PPP2R2B: variants seen among roughly 807,000 people sequenced by gnomAD.
PPP2R2B encodes the protein serine/threonine-protein phosphatase 2A 55 kDa regulatory subunit B beta isoform.
PPP2R2B carries 5 observed loss-of-function variants against 46.0 expected under a neutral mutation model. That is an observed-to-expected ratio of 0.11 (90% CI 0.06 to 0.23). The LOEUF (loss-of-function observed/expected upper bound fraction) is 0.23. Among genes scored for constraint, PPP2R2B ranks in the 10% least tolerant of loss-of-function variants. PPP2R2B has a pLI of 1.00. For synonymous variants in PPP2R2B, 215 were observed against 206.7 expected, an observed-to-expected ratio of 1.04 and a Z score of -0.34; for missense variants, 367 against 575.0, an observed-to-expected ratio of 0.64 and a Z score of 3.70.
chr5:146,704,754 G>T (rs2151171993), intron 2 of PPP2R2B, among the ~76,000 whole-genome samples: 1 of 152,116 alleles, frequency 6.6e-6, no homozygotes, highest in East Asian at 1.9e-4. Context: ...ATCAATCTCA[G>T]CATCCTACAA....
chr5:146,607,559 T>C (rs893908829), intron 7 of PPP2R2B: 2 of 152,258 alleles, frequency 1.3e-5, no homozygotes, highest in Admixed American at 6.5e-5. Flanking sequence ...GAAGAAATTA[T>C]ATTGGTCCCT....
At chr5:146,783,943 T>A (rs943368576) in intron 2 of PPP2R2B, among the ~76,000 whole-genome samples, 10 of 152,330 alleles carry the variant, frequency 6.6e-5, no homozygotes, top group Admixed American at 3.9e-4. Flanking sequence ...TATGTATATA[T>A]CTTTGTGTGT....
chr5:147,022,719 A>G (rs1430039446), intron 1 of PPP2R2B, among the ~76,000 whole-genome samples: 1 of 152,276 alleles, frequency 6.6e-6, no homozygotes, highest in East Asian at 1.9e-4. Flanking sequence ...TAGGGGAAAA[A>G]AGTCCATTAC....
At chr5:146,755,990 T>C (rs952401244) in intron 2 of PPP2R2B, among the ~76,000 whole-genome samples, 3 of 152,192 alleles carry the variant, frequency 2.0e-5, no homozygotes, top group Non-Finnish European at 4.4e-5. Flanking sequence ...CATGTATCAT[T>C]TAAAAGCAGC....
At chr5:146,695,309 A>G (rs1779114101) in intron 4 of PPP2R2B, among the ~76,000 whole-genome samples, 1 of 152,048 alleles carries the variant, frequency 6.6e-6, no homozygotes, top group Admixed American at 6.5e-5. Flanking sequence ...ATGAACATGT[A>G]CTAATTTCAT....
At chr5:146,886,265 G>A (rs2151425516) in intron 1 of PPP2R2B, among the ~76,000 whole-genome samples, 1 of 152,184 alleles carries the variant, frequency 6.6e-6, no homozygotes, top group South Asian at 2.1e-4. Context: ...TGTGAACCCA[G>A]GAGGCGGAGC....
chr5:146,715,118 A>G (rs1780422451), intron 2 of PPP2R2B, among the ~76,000 whole-genome samples: 1 of 152,168 alleles, frequency 6.6e-6, no homozygotes, highest in African/African-American at 2.4e-5. Context: ...GAGTGGGGAA[A>G]AAAACCCTAC....
intron 8 of PPP2R2B, among the ~76,000 whole-genome samples, chr5:146,597,406 C>G (rs530031822): frequency 6.6e-6 from 1 of 152,274 alleles, no homozygotes; most frequent in African/African-American, 2.4e-5. Context: ...TTGATTCTAT[C>G]AATTCTTAAA....
At chr5:146,966,144 G>C (rs1215628719) in intron 1 of PPP2R2B, among the ~76,000 whole-genome samples, 1 of 152,186 alleles carries the variant, frequency 6.6e-6, no homozygotes, top group Non-Finnish European at 1.5e-5. Flanking sequence ...ACCGTAGTTG[G>C]TGTTCTTAGC....
At chr5:146,786,616 T>C (rs1755852600) in intron 2 of PPP2R2B, among the ~76,000 whole-genome samples, 1 of 152,184 alleles carries the variant, frequency 6.6e-6, no homozygotes, top group Non-Finnish European at 1.5e-5. Context: ...TATAACTCCT[T>C]TCTGTTTGTG....
At chr5:146,680,554 TAAA>T (rs1005259311) in intron 5 of PPP2R2B, among the ~76,000 whole-genome samples, 1 of 149,892 alleles carries the variant, frequency 6.7e-6, no homozygotes, top group African/African-American at 2.5e-5. Context: ...ATAATAATAA[TAAA>T]AAAAACCACA....
chr5:146,768,664 C>T (rs1195141293), intron 2 of PPP2R2B, among the ~76,000 whole-genome samples: 1 of 152,100 alleles, frequency 6.6e-6, no homozygotes, highest in East Asian at 1.9e-4. Context: ...GGTCCCATAC[C>T]ATCTGACGCT....
At chr5:146,920,425 T>A (rs1763558994) in intron 1 of PPP2R2B, among the ~76,000 whole-genome samples, 1 of 152,178 alleles carries the variant, frequency 6.6e-6, no homozygotes, top group Non-Finnish European at 1.5e-5. Flanking sequence ...GCAGGCAGTT[T>A]AAAGCACAGT....
At chr5:146,716,414 A>G (rs1780501249) in intron 2 of PPP2R2B, among the ~76,000 whole-genome samples, 1 of 152,216 alleles carries the variant, frequency 6.6e-6, no homozygotes, top group Non-Finnish European at 1.5e-5. Context: ...ACTAAGCACA[A>G]TTAATGTTTG....
At chr5:146,978,467 T>C (rs1162667659) in intron 1 of PPP2R2B, among the ~76,000 whole-genome samples, 1 of 152,220 alleles carries the variant, frequency 6.6e-6, no homozygotes, top group African/African-American at 2.4e-5. Flanking sequence ...TGAATGGTAT[T>C]GCCTAAGTTT....
chr5:146,646,999 C>T (rs530109382), intron 6 of PPP2R2B, among the ~76,000 whole-genome samples: 30 of 152,200 alleles, frequency 2.0e-4, no homozygotes, highest in African/African-American at 7.0e-4. Flanking sequence ...CTGGGTGAGA[C>T]CTCTATCACT....
chr5:146,867,210 AT>A (rs923742094), intron 2 of PPP2R2B, among the ~76,000 whole-genome samples: 49 of 152,214 alleles, frequency 3.2e-4, no homozygotes, highest in African/African-American at 1.2e-3. Flanking sequence ...ATCTAGAAGT[AT>A]TCTGTAGTAA....
At chr5:146,646,092 A>G (rs1028402313) in intron 6 of PPP2R2B, among the ~76,000 whole-genome samples, 1 of 152,222 alleles carries the variant, frequency 6.6e-6, no homozygotes, top group Non-Finnish European at 1.5e-5. Context: ...CACAGAAATT[A>G]TCTCAGTTTG....
chr5:146,710,179 A>G (rs1411860988), intron 2 of PPP2R2B, among the ~76,000 whole-genome samples: 1 of 152,166 alleles, frequency 6.6e-6, no homozygotes, highest in African/African-American at 2.4e-5. Flanking sequence ...CAATTTATTC[A>G]TGGTGTTCAT....
Sources: allele counts gnomAD v4.1 joint callset (sites outside exome capture counted in the v4.1 genomes callset), GRCh38; gene constraint gnomAD v4.1.1; transcripts MANE v1.5; gene names NCBI Gene and HGNC (gene_info 2026-07-23, HGNC 2026-07-21).